ZNHIT6: variants seen among roughly 807,000 people sequenced by gnomAD.
ZNHIT6 encodes zinc finger HIT-type containing 6.
ZNHIT6 carries 45 observed loss-of-function variants against 57.2 expected under a neutral mutation model. The observed-to-expected ratio is 0.79, with a 90% confidence interval of 0.62 to 1.01. The LOEUF (loss-of-function observed/expected upper bound fraction) is 1.01. ZNHIT6 is among the 50% of genes least tolerant of loss of function. The probability of loss-of-function intolerance (pLI) is 0.00; values close to 1 mark genes in which losing one functional copy is unlikely to be tolerated. For synonymous variants in ZNHIT6, 188 were observed against 190.0 expected, an observed-to-expected ratio of 0.99 and a Z score of 0.09; for missense variants, 528 against 567.3, an observed-to-expected ratio of 0.93 and a Z score of 0.70.
rs183953478 is a variant in ZNHIT6, at chr1:85,700,101, G to A, written c.1019+2056C>T. Among the ~76,000 whole-genome samples, 752 of 152,186 alleles carry A rather than the reference G, an allele frequency of 4.9e-3. 6 individuals carry two copies. Among genetic ancestry groups the A allele is most frequent in the Non-Finnish European group, 7.0e-3 (479 of 67,972 alleles). On this transcript the variant is annotated intron_variant, in intron 5 of 9. Coordinates refer to ENST00000370574, the MANE Select transcript of ZNHIT6 (RefSeq NM_017953.4). ...AAACATGATTAGAAGGAAATGTTACGAAATTTTATTAGTGGTCAACTCTAG... is the reference window on the plus strand; with the variant it reads ...AAACATGATTAGAAGGAAATGTTACAAAATTTTATTAGTGGTCAACTCTAG...
chr1:85,658,107 A>C (rs1661114116), intron 8 of ZNHIT6, 136 bp from the exon 9 acceptor site: 1 of 546,990 alleles, frequency 1.8e-6, no homozygotes, highest in African/African-American at 1.9e-5. Context: ...TCCTTATAGC[A>C]TAGTAAGTTT....
At chr1:85,669,853 GGCTAGTCTTGTAGATGT>G (rs1476953723) in intron 8 of ZNHIT6, among the ~76,000 whole-genome samples, 1 of 151,924 alleles carries the variant, frequency 6.6e-6, no homozygotes, top group African/African-American at 2.4e-5. Flanking sequence ...GCTCTTTGAG[GGCTAGTCTTGTAGATGT>G]CTATATATCC....
chr1:85,672,554 T>C (rs1661587772), intron 8 of ZNHIT6, among the ~76,000 whole-genome samples: 1 of 152,072 alleles, frequency 6.6e-6, no homozygotes, highest in Non-Finnish European at 1.5e-5. Flanking sequence ...AAACATCACT[T>C]CCACAACAAA....
chr1:85,694,000 G>A (rs931644793), intron 5 of ZNHIT6, among the ~76,000 whole-genome samples: 3 of 152,104 alleles, frequency 2.0e-5, no homozygotes, highest in Admixed American at 2.0e-4. Flanking sequence ...AAAAGTAAGA[G>A]TGAGCTGTCT....
intron 8 of ZNHIT6, among the ~76,000 whole-genome samples, chr1:85,667,961 A>AAATGTATATAT: frequency 5.5e-5 from 1 of 18,202 alleles, no homozygotes; most frequent in Non-Finnish European, 9.9e-5. Flanking sequence ...AAAAAAAAAA[A>AAATGTATATAT]ATATATATAT....
chr1:85,677,569 C>T (rs755227857), intron 7 of ZNHIT6, among the ~76,000 whole-genome samples: 3 of 152,044 alleles, frequency 2.0e-5, no homozygotes, highest in Non-Finnish European at 2.9e-5. Context: ...AAAAATGTAT[C>T]CTATTCAGTG....
chr1:85,683,469 G>T (rs997985147), intron 5 of ZNHIT6, among the ~76,000 whole-genome samples: 1 of 151,808 alleles, frequency 6.6e-6, no homozygotes, highest in East Asian at 1.9e-4. Context: ...CTTGCAGTGA[G>T]CTGAGATTGA....
intron 5 of ZNHIT6, among the ~76,000 whole-genome samples, chr1:85,684,046 A>G (rs1235166447): frequency 2.0e-5 from 3 of 152,202 alleles, no homozygotes; most frequent in Admixed American, 6.5e-5. Context: ...AATTACTCCT[A>G]ATGCATTAGA....
intron 4 of ZNHIT6, among the ~76,000 whole-genome samples, chr1:85,705,470 C>A (rs1273644095): frequency 1.3e-5 from 2 of 152,176 alleles, no homozygotes; most frequent in Non-Finnish European, 2.9e-5. Flanking sequence ...CTGGCCTCAG[C>A]CTCCCAAAGT....
At chr1:85,691,620 G>C (rs1349744858) in intron 5 of ZNHIT6, among the ~76,000 whole-genome samples, 1 of 152,250 alleles carries the variant, frequency 6.6e-6, no homozygotes, top group Non-Finnish European at 1.5e-5. Flanking sequence ...AGATAGGCTG[G>C]GTACACTGGC....
chr1:85,706,950 T>C (rs1458646304), intron 1 of ZNHIT6, among the ~76,000 whole-genome samples: 2 of 152,144 alleles, frequency 1.3e-5, no homozygotes, highest in African/African-American at 2.4e-5. Context: ...GCACCCTTTT[T>C]CCTGAACTCC....
chr1:85,687,304 A>AAAAAAAAAAAAAAC (rs1557861153), intron 5 of ZNHIT6, among the ~76,000 whole-genome samples: 2 of 142,582 alleles, frequency 1.4e-5, no homozygotes, highest in South Asian at 2.4e-4. Flanking sequence ...AAAAACAAAA[A>AAAAAAAAAAAAAAC]AAAAAAACAA....
chr1:85,706,848 A>G (rs1662698911), intron 1 of ZNHIT6, among the ~76,000 whole-genome samples: 1 of 152,244 alleles, frequency 6.6e-6, no homozygotes. Flanking sequence ...GTGTGTATCC[A>G]GAAGTCCAAT....
chr1:85,691,051 C>G (rs1241703360), intron 5 of ZNHIT6, among the ~76,000 whole-genome samples: 1 of 151,978 alleles, frequency 6.6e-6, no homozygotes, highest in African/African-American at 2.4e-5. Flanking sequence ...GCTGGTCAAG[C>G]CCGGGTATCT....
chr1:85,678,744 G>T lies in ZNHIT6; in HGVS notation c.1126C>A (p.Pro376Thr). Residue 376 changes from proline (P) to threonine (T), a missense_variant, in exon 7 of 10, where the codon CCT (proline) becomes ACT (threonine). Pro to Thr is a conservative substitution (Grantham distance 38). Transcript: ENST00000370574. ...TCAGACTTTTCAGGATCAATGTAAG[G>T]TTTTAGGATTTCATTAATAGTTTTA... ...DDKTINEILK[P>T]YIDPEKSDPV... 2 of 1,590,316 alleles carry T rather than the reference G, an allele frequency of 1.3e-6. No homozygotes were observed. Among genetic ancestry groups the T allele is most frequent in the African/African-American group, 2.7e-5 (2 of 73,716 alleles).
Position 85,654,061 on chromosome 1 carries a change from A to G in ZNHIT6, c.1410T>C (p.Asn470=). ...SESTKNVGNE[N] is the part of the protein sequence containing the mutation. ...TTTCTTCTTCCAGAAAAAATGCTCA[A>G]TTTTCATTGCCAACGTTCTTGGTAG... Residue 470 remains asparagine (N), a synonymous_variant, in exon 10 of 10, where the codon AAT becomes AAC. Transcript: ENST00000370574. The G allele has an allele frequency of 6.2e-7, 1 of 1,612,426 alleles. No homozygotes were observed. The highest frequency in any genetic ancestry group is 2.2e-5 in the East Asian group (1 of 44,802).
At chr1:85,699,885 G>T (rs1775993) in intron 5 of ZNHIT6, among the ~76,000 whole-genome samples, 120,572 of 152,086 alleles carry the variant, frequency 0.79, 49,535 homozygotes, top group East Asian at 0.95. Context: ...TATTTAAAAA[G>T]AATGAGGCAG....
At chr1:85,669,843 G>A (rs1661502541) in intron 8 of ZNHIT6, among the ~76,000 whole-genome samples, 1 of 152,024 alleles carries the variant, frequency 6.6e-6, no homozygotes, top group Non-Finnish European at 1.5e-5. Context: ...TTCCCACCTA[G>A]CTCTTTGAGG....
At chr1:85,688,331 C>T (rs191338746) in intron 5 of ZNHIT6, among the ~76,000 whole-genome samples, 3 of 152,252 alleles carry the variant, frequency 2.0e-5, no homozygotes, top group African/African-American at 7.2e-5. Context: ...GGATTTGAGC[C>T]CAGGCAGTGC....
Sources: allele counts gnomAD v4.1 joint callset (sites outside exome capture counted in the v4.1 genomes callset), GRCh38; gene constraint gnomAD v4.1.1; transcripts MANE v1.5; gene names NCBI Gene and HGNC (gene_info 2026-07-23, HGNC 2026-07-21).